The following DST variants were observed in gnomAD, a reference collection of about 807,000 sequenced individuals.
DST encodes bullous pemphigoid antigen.
A neutral mutation model predicts 875.2 loss-of-function variants in DST; 253 were observed. The observed-to-expected ratio is 0.29, with a 90% CI of 0.26 to 0.32. DST has a LOEUF of 0.32. DST is among the 10% of genes least tolerant of loss of function. The pLI, the probability that DST is intolerant of heterozygous loss-of-function variation, is 1.00. For missense variants in DST, 8,287 were observed against 9,111.6 expected (o/e 0.91, Z 3.68); for synonymous variants, 3,124 against 3,197.1 (o/e 0.98, Z 0.77).
At chr6:56,902,676 C>T (rs866058032) in intron 2 of DST, among the ~76,000 whole-genome samples, 10 of 152,350 alleles carry the variant, frequency 6.6e-5, no homozygotes, top group South Asian at 2.1e-4. Context: ...CCCGCCCCTG[C>T]GTGCAAGCTC....
chr6:56,870,878 A>G (rs1164418809), intron 3 of DST, among the ~76,000 whole-genome samples: 1 of 151,874 alleles, frequency 6.6e-6, no homozygotes, highest in African/African-American at 2.4e-5. Flanking sequence ...CATATTTTAT[A>G]TATTTAAATA....
At chr6:56,699,462 C>T (rs999450842) in intron 9 of DST, among the ~76,000 whole-genome samples, 191 bp downstream of exon 9, 2 of 152,180 alleles carry the variant, frequency 1.3e-5, no homozygotes, top group Admixed American at 6.5e-5. Flanking sequence ...TTAAGTTTAT[C>T]AAGAACAGGA....
At chr6:56,603,766 A>G in intron 40 of DST, 53 bp from the exon 41 acceptor site, 1 of 1,578,280 alleles carries the variant, frequency 6.3e-7, no homozygotes, top group South Asian at 1.2e-5. Context: ...AGATGTTTAA[A>G]GCAAATGTAT....
chr6:56,502,243 A>G (rs1423706156), intron 78 of DST, among the ~76,000 whole-genome samples: 5 of 152,144 alleles, frequency 3.3e-5, no homozygotes, highest in Non-Finnish European at 7.4e-5. Flanking sequence ...AGTCACTGAC[A>G]TAGTTAATCA....
intron 9 of DST, chr6:56,693,368 T>A (rs1043430453): frequency 1.8e-6 from 2 of 1,130,080 alleles, no homozygotes; most frequent in African/African-American, 3.3e-5. Context: ...CATTAGACAC[T>A]GTGGCTTATT....
rs542859946 is a variant in DST at position 56,586,722 on chromosome 6, G to A, written c.12903+5460C>T. On this transcript the variant is annotated intron_variant, in intron 49 of 103. Coordinates refer to ENST00000680361, the MANE Select transcript of DST (RefSeq NM_001374736.1). ...CTCCTCTGAGACAAAACTTCCAGAGGAATGATCAGACAGCAGCATTCGCGG... is the reference window on the plus strand; with the variant it reads ...CTCCTCTGAGACAAAACTTCCAGAGAAATGATCAGACAGCAGCATTCGCGG... Among the ~76,000 whole-genome samples the A allele has an allele frequency of 9.7e-3, 1,477 of 152,218 alleles. 8 individuals carry two copies. The highest frequency in any genetic ancestry group is 0.015 in the Non-Finnish European group (1,024 of 68,024).
chr6:56,670,907 G>T, intron 9 of DST, 100 bp from the exon 10 acceptor site: 1 of 648,906 alleles, frequency 1.5e-6, no homozygotes, highest in Non-Finnish European at 2.4e-6. Flanking sequence ...CTAAGATTAG[G>T]ATAATAACAA....
In DST at chr6:56,552,602, T is replaced by G; in HGVS notation, c.16190A>C (p.Gln5397Pro). 1 of 1,613,952 alleles carries G rather than the reference T, an allele frequency of 6.2e-7. No homozygotes were observed. The highest frequency in any genetic ancestry group is 8.5e-7 in the Non-Finnish European group (1 of 1,179,884). Residue 5397 changes from glutamine to proline, a missense_variant, in exon 61 of 104, where the codon CAG (glutamine) becomes CCG (proline). Physicochemically the swap from Gln to Pro is moderately conservative, Grantham distance 76. Around this residue, in one of 10 missense-constraint regions of DST, gnomAD observed 1,513 missense variants for 1,677.8 expected, o/e 0.90. Coordinates refer to ENST00000680361, the MANE Select transcript of DST (RefSeq NM_001374736.1). ...FQNTIREMFS[Q>P]FAEFDDELDS... ...CAGTTCATCATCAAACTCTGCGAAC[T>G]GAGAAAACATTTCTCGAATGGTATT...
intron 5 of DST, among the ~76,000 whole-genome samples, chr6:56,731,417 G>T (rs1184876236): frequency 2.0e-5 from 3 of 152,176 alleles, no homozygotes; most frequent in African/African-American, 7.2e-5. Flanking sequence ...ATTGTTCTTT[G>T]CAAGTGTATA....
chr6:56,801,562 A>C (rs2099746884), intron 4 of DST, among the ~76,000 whole-genome samples: 1 of 151,908 alleles, frequency 6.6e-6, no homozygotes, highest in Non-Finnish European at 1.5e-5. Context: ...CCCCACCCCA[A>C]CCCGCCAAAT....
chr6:56,825,016 G>A (rs1336372366), intron 4 of DST, among the ~76,000 whole-genome samples: 1 of 152,268 alleles, frequency 6.6e-6, no homozygotes, highest in Admixed American at 6.5e-5. Context: ...AGCTCATTGA[G>A]AACGGGCCAT....
intron 23 of DST, 68 bp downstream of exon 23, chr6:56,636,489 A>C: frequency 8.1e-7 from 1 of 1,231,938 alleles, no homozygotes. Flanking sequence ...ATAAATTATG[A>C]AAAAGATTCC....
At chr6:56,821,857 T>C (rs2099773391) in intron 4 of DST, among the ~76,000 whole-genome samples, 1 of 152,154 alleles carries the variant, frequency 6.6e-6, no homozygotes, top group African/African-American at 2.4e-5. Context: ...CAAAGGCAAA[T>C]ACATGAACTC....
rs1191929985 is a variant in DST at position 56,706,516 on chromosome 6, C to T, written c.688-2147G>A. ...ATCTATTACATGCATGATATGTACG[C>T]GAACAGATAAGCACTTAGGGAAATG... is the stretch of plus-strand genomic sequence containing the variant. On this transcript the variant is annotated intron_variant, in intron 5 of 103. Transcript: ENST00000680361. 2.6e-5 allele frequency among the ~76,000 whole-genome samples: 4 copies of T among 152,066 alleles called. No homozygotes were observed. The South Asian group carries it at 6.2e-4, about 24-fold the overall frequency.
At chr6:56,502,216 T>C (rs2096154954) in intron 78 of DST, among the ~76,000 whole-genome samples, 1 of 152,128 alleles carries the variant, frequency 6.6e-6, no homozygotes, top group African/African-American at 2.4e-5. Flanking sequence ...TGCTATTCTC[T>C]CTCCTTCTAC....
Position 56,606,138 on chromosome 6 carries a change from A to G in DST, c.8490T>C (p.Asn2830=). ...RDENGKPRCQ[N]VAEDMDIQLC... is the part of the protein sequence containing the mutation. ...ACTGGATATCCATATCTTCAGCCAC[A>G]TTTTGGCACCTGGGCTTTCCATTCT... Residue 2830 remains asparagine, a synonymous_variant, in exon 40 of 104, where the codon AAT becomes AAC. Transcript: ENST00000680361. The G allele has an allele frequency of 6.2e-7, 1 of 1,612,082 alleles. No homozygotes were observed. The highest frequency in any genetic ancestry group is 8.5e-7 in the Non-Finnish European group (1 of 1,178,828).
rs768666086 is a variant in DST at position 56,527,591 on chromosome 6, G to A, written c.17824C>T (p.Leu5942=). The A allele has an allele frequency of 7.4e-6, 12 of 1,613,714 alleles. No individual in the cohort carries two copies. The South Asian group carries it at 8.8e-5, about 12-fold the overall frequency. Reference sequence around the variant, plus strand: ...TCCACTTTGTCCAGCCAGGTACACAGCTCTTCGTGTGTGGAGTGCAGCCGC... The same window carrying A: ...TCCACTTTGTCCAGCCAGGTACACAACTCTTCGTGTGTGGAGTGCAGCCGC... ...ARRLHSTHEE[L]CTWLDKVEVE... The change falls in exon 68 of 104, where the codon CTG becomes TTG. Residue 5942 remains leucine, a synonymous_variant. Transcript: ENST00000680361.
intron 8 of DST, among the ~76,000 whole-genome samples, chr6:56,700,452 G>C (rs924769688): frequency 6.6e-6 from 1 of 152,100 alleles, no homozygotes; most frequent in African/African-American, 2.4e-5. Flanking sequence ...TTACCATTAA[G>C]TATGAAACTA....
intron 3 of DST, among the ~76,000 whole-genome samples, chr6:56,867,831 CAA>C (rs112741355): frequency 1.6e-5 from 2 of 127,306 alleles, no homozygotes. Context: ...GACTCCGTCT[CAA>C]AAAAAAAAAA....
Sources: gnomAD v4.1 joint callset for allele counts (sites outside exome capture counted in the v4.1 genomes callset) on GRCh38, gnomAD v4.1.1 for gene constraint, gnomAD v4.1.1 regional missense constraint, MANE v1.5 for transcripts, NCBI Gene and HGNC (gene_info 2026-07-23, HGNC 2026-07-21) for gene names.